ERCC3: variants seen among roughly 807,000 people sequenced by gnomAD.
ERCC3 encodes the protein ERCC excision repair 3, TFIIH core complex helicase subunit, also known as general transcription and DNA repair factor IIH helicase/translocase subunit XPB.
In ERCC3, 66 loss-of-function variants were observed where a neutral mutation model predicts 94.2. The observed-to-expected ratio is 0.70, with a 90% CI of 0.57 to 0.86. ERCC3 has a LOEUF of 0.86. Among genes scored for constraint, ERCC3 ranks in the 40% least tolerant of loss-of-function variants. ERCC3 has a pLI of 0.00. For synonymous variants in ERCC3, 349 were observed against 369.1 expected (o/e 0.95, Z 0.63); for missense variants, 829 against 987.1 (o/e 0.84, Z 2.15).
chr2:127,263,438 G>A (rs533266434), intron 12 of ERCC3, among the ~76,000 whole-genome samples: 17 of 152,270 alleles, frequency 1.1e-4, no homozygotes, highest in African/African-American at 4.1e-4. Context: ...TGTTACTGGT[G>A]TATAGAAATG....
chr2:127,272,411 G>A (rs181462169), intron 11 of ERCC3, among the ~76,000 whole-genome samples: 51 of 152,216 alleles, frequency 3.4e-4, no homozygotes, highest in Middle Eastern at 6.8e-3. Context: ...TGATTGCAGA[G>A]TAAACCATCC....
Position 127,286,831 on chromosome 2 carries a change from A to G in ERCC3, c.1214T>C (p.Val405Ala). 1 of 1,614,226 alleles carries G rather than the reference A, an allele frequency of 6.2e-7. No homozygotes were observed. Among genetic ancestry groups the G allele is most frequent in the Non-Finnish European group, 8.5e-7 (1 of 1,180,038 alleles). Residue 405 changes from valine to alanine, a missense_variant, in exon 8 of 15, where the codon GTT becomes GCT. Transcript: ENST00000285398. ...CAGCATGGAGTAGGTGCTAATGGCA[A>G]CGGAGCAGCCGATGGGCTTGTCCTT... ...DAKDKPIGCS[V>A]AISTYSMLGH...
intron 12 of ERCC3, among the ~76,000 whole-genome samples, chr2:127,265,536 A>T (rs1048518378): frequency 2.6e-5 from 4 of 152,120 alleles, no homozygotes; most frequent in African/African-American, 9.7e-5. Flanking sequence ...CTCCTGCCTC[A>T]GCCTCCTGAG....
At chr2:127,278,260 GAAGA>G (rs1684796469) in intron 10 of ERCC3, among the ~76,000 whole-genome samples, 1 of 151,324 alleles carries the variant, frequency 6.6e-6, no homozygotes, top group Non-Finnish European at 1.5e-5. Flanking sequence ...AAGAAAAAAG[GAAGA>G]AAGAAAGAAA....
At chr2:127,276,010 G>A (rs907050569) in intron 10 of ERCC3, among the ~76,000 whole-genome samples, 9 of 152,216 alleles carry the variant, frequency 5.9e-5, no homozygotes, top group African/African-American at 1.9e-4. Flanking sequence ...TGAGTGTGAG[G>A]AGCAGTTGGG....
chr2:127,271,215 C>A lies in ERCC3; in HGVS notation c.1945+121G>T, dbSNP rs1271133641. The A allele has an allele frequency of 3.8e-6, 3 of 779,354 alleles. No individual in the cohort carries two copies. Among genetic ancestry groups the A allele is most frequent in the Non-Finnish European group, 7.0e-6 (3 of 429,408 alleles). The allele number at this position is 779,354 out of a possible 1,614,324, so 48.3% of individuals were successfully genotyped here. On this transcript the variant is annotated intron_variant, in intron 12 of 14. Transcript: ENST00000285398. The surrounding 1 kb of genome is among the most constrained non-coding windows in gnomAD (Gnocchi z 5.0). ...GGATCTAGGTCTTTGCTTTGGGATTCTCTCCCTCCAGAGTCTATTTAGCCC... is the reference window on the plus strand; with the variant it reads ...GGATCTAGGTCTTTGCTTTGGGATTATCTCCCTCCAGAGTCTATTTAGCCC...
chr2:127,286,732 A>G lies in ERCC3; in HGVS notation c.1313T>C (p.Met438Thr), dbSNP rs1234401096. The change falls in exon 8 of 15, where the codon ATG becomes ACG. Residue 438 changes from methionine to threonine, a missense_variant. Physicochemically the swap from Met to Thr is moderately conservative, Grantham distance 81. Transcript: ENST00000285398. ...EWLKTQEWGL[M>T]ILDEVHTIPA... ...TATGGTGTGCACTTCATCCAGGATC[A>G]TGAGGCCCCACTCCTGGGTCTTGAG... 1.2e-6 allele frequency: 2 copies of G among 1,614,042 alleles called. No individual in the cohort carries two copies. Among genetic ancestry groups the G allele is most frequent in the Admixed American group, 1.7e-5 (1 of 60,010 alleles).
At chr2:127,262,907 G>A (rs940795914) in intron 12 of ERCC3, 1 of 152,160 alleles carries the variant, frequency 6.6e-6, no homozygotes, top group Non-Finnish European at 1.5e-5. Context: ...ACCATTTATT[G>A]AATAGGGAGT....
At chr2:127,266,584 G>A (rs1009102492) in intron 12 of ERCC3, among the ~76,000 whole-genome samples, 2 of 151,754 alleles carry the variant, frequency 1.3e-5, no homozygotes, top group Admixed American at 6.6e-5. Context: ...TGATCCACCC[G>A]CCTTGGCTTC....
chr2:127,262,086 T>C (rs1684206644), intron 12 of ERCC3: 1 of 152,728 alleles, frequency 6.5e-6, no homozygotes, highest in African/African-American at 2.4e-5. Context: ...CAAATGTCCA[T>C]CAACAGATGT....
chr2:127,279,568 C>G lies in ERCC3; in HGVS notation c.1528-193G>C, dbSNP rs1317594642. On this transcript the variant is annotated intron_variant, in intron 9 of 14. Coordinates refer to ENST00000285398, the MANE Select transcript of ERCC3 (RefSeq NM_000122.2). This position sits in a 1 kb window ranked among gnomAD's most constrained non-coding sequence, Gnocchi z 4.7. Reference sequence around the variant, plus strand: ...CTTGAGGCCAGGAGTTCAAGACCAGCCTGGCCAACACAGTGAAACCCAGTC... The same window carrying G: ...CTTGAGGCCAGGAGTTCAAGACCAGGCTGGCCAACACAGTGAAACCCAGTC... 6.6e-6 allele frequency among the ~76,000 whole-genome samples: 1 copy of G among 152,132 alleles called. No individual in the cohort carries two copies. The highest frequency in any genetic ancestry group is 1.5e-5 in the Non-Finnish European group (1 of 68,014).
rs1427447419 is a variant in ERCC3, at chr2:127,294,135, C to A, written c.-54G>T. The A allele has an allele frequency of 5.7e-6, 9 of 1,591,668 alleles. No homozygotes were observed. The South Asian group carries it at 6.7e-5, about 12-fold the overall frequency. On this transcript the variant is annotated 5_prime_UTR_variant, in exon 1 of 15. The change abolishes an upstream ATG in the 5' untranslated region. Transcript: ENST00000285398. ...CCCCGCTCCCACAGGCCCGCCGCGG[C>A]ATCCGCTCTGGGGGGACTTCCGGCT...
chr2:127,283,240 T>C (rs1316735546), intron 8 of ERCC3, among the ~76,000 whole-genome samples: 2 of 151,208 alleles, frequency 1.3e-5, no homozygotes, highest in East Asian at 3.9e-4. Context: ...AAAATTCCCC[T>C]GTGCTCTCCT....
rs398039596 is a variant in ERCC3, at chr2:127,273,749, CAAAAAAAAAAAAAA to C, written c.1731-802_1731-789del. 1.7e-4 allele frequency among the ~76,000 whole-genome samples: 7 copies of C among 40,122 alleles called. 1 individual carries two copies. The Admixed American group carries it at 2.4e-3, about 14-fold the overall frequency. 26.3% of individuals were successfully genotyped at this position (40,122 alleles called of 152,430 possible). A position where few individuals can be genotyped will look rare whatever the true frequency, so the allele number is the denominator to read the frequency against. On this transcript the variant is annotated intron_variant, in intron 10 of 14. Coordinates refer to ENST00000285398, the MANE Select transcript of ERCC3 (RefSeq NM_000122.2). The stretch of plus-strand genomic sequence containing the variant: ...GGGAAACAAGAGTGAAACTCTGTCT[CAAAAAAAAAAAAAA>C]AAAAAAAAAAAAATTTTCCAGCTCC...
Position 127,291,375 on chromosome 2 carries a change from T to G in ERCC3, c.472-1102A>C, listed in dbSNP as rs1052446296. Among the ~76,000 whole-genome samples the G allele has an allele frequency of 6.6e-6, 1 of 152,134 alleles. No homozygotes were observed. The highest frequency in any genetic ancestry group is 2.4e-5 in the African/African-American group (1 of 41,434). On this transcript the variant is annotated intron_variant, in intron 3 of 14. Transcript: ENST00000285398. This position sits in a 1 kb window ranked among gnomAD's most constrained non-coding sequence, Gnocchi z 4.9. ...CCCGGGTTCAAGTGATTGTCCTGCC[T>G]CAGCCTCCTGAGTAGCTGGGATTAC...
At chr2:127,292,465 G>A (rs573183999) in intron 3 of ERCC3, 145 bp downstream of exon 3, 30 of 763,178 alleles carry the variant, frequency 3.9e-5, no homozygotes, top group South Asian at 1.8e-4. Flanking sequence ...AGAGTGTAGC[G>A]GCTGGGGTAA....
At chr2:127,261,574 C>A in intron 12 of ERCC3, 1 of 530,338 alleles carries the variant, frequency 1.9e-6, no homozygotes. Flanking sequence ...ATGTGGAAAG[C>A]ATATATCTGA....
At chr2:127,283,613 T>TATTAC (rs1444610275) in intron 8 of ERCC3, among the ~76,000 whole-genome samples, 1 of 152,176 alleles carries the variant, frequency 6.6e-6, no homozygotes, top group Non-Finnish European at 1.5e-5. Flanking sequence ...ATGGGTCATG[T>TATTAC]GGTAATTTCA....
chr2:127,288,432 C>T (rs982199159), intron 7 of ERCC3, among the ~76,000 whole-genome samples: 2 of 152,192 alleles, frequency 1.3e-5, no homozygotes, highest in African/African-American at 4.8e-5. Context: ...GAGTGAGCTC[C>T]ATGAGGTCAG....
Sources: gnomAD v4.1 joint callset for allele counts (sites outside exome capture counted in the v4.1 genomes callset) on GRCh38, gnomAD v4.1.1 for gene constraint, Gnocchi (gnomAD v3.1) non-coding constraint, MANE v1.5 for transcripts, NCBI Gene and HGNC (gene_info 2026-07-23, HGNC 2026-07-21) for gene names.